PTPRR: variants seen among roughly 807,000 people sequenced by gnomAD.
PTPRR encodes the protein receptor-type tyrosine-protein phosphatase R.
Under a neutral mutation model 77.2 loss-of-function variants are expected in PTPRR, and 38 were observed. The ratio of observed to expected loss-of-function variants is 0.49; its 90% confidence interval spans 0.38 to 0.65. PTPRR has a LOEUF of 0.65. Ranked by LOEUF, PTPRR falls within the 30% of genes least tolerant of loss-of-function variation. The pLI, the probability that PTPRR is intolerant of heterozygous loss-of-function variation, is 0.00. For synonymous variants in PTPRR, 299 were observed against 283.1 expected (o/e 1.06, Z -0.57); for missense variants, 744 against 799.2 (o/e 0.93, Z 0.83).
chr12:70,836,128 C>T (rs1225563926), intron 2 of PTPRR, among the ~76,000 whole-genome samples: 1 of 152,080 alleles, frequency 6.6e-6, no homozygotes, highest in Admixed American at 6.6e-5. Flanking sequence ...ATACTTGAAC[C>T]TGGTGATGTC....
At chr12:70,684,355 G>C (rs7958846) in intron 9 of PTPRR, 91 bp from the exon 10 acceptor site, 974,707 of 1,389,362 alleles carry the variant, frequency 0.7, 352,254 homozygotes, top group Non-Finnish European at 0.76. Flanking sequence ...AAATAGCTGG[G>C]CTAGTACAAA....
intron 4 of PTPRR, 22 bp downstream of exon 4, chr12:70,761,449 A>G (rs1337120029): frequency 6.5e-7 from 1 of 1,539,750 alleles, no homozygotes; most frequent in South Asian, 1.3e-5. Flanking sequence ...TTTTAAATGA[A>G]TTGTTTCGTG....
intron 2 of PTPRR, among the ~76,000 whole-genome samples, chr12:70,822,971 A>T (rs1190095454): frequency 1.3e-5 from 2 of 150,754 alleles, no homozygotes; most frequent in Admixed American, 6.6e-5. Flanking sequence ...AAGCCCAATT[A>T]AAAAAAAAGT....
At chr12:70,892,576 G>C in intron 2 of PTPRR, 103 bp downstream of exon 2, 4 of 1,323,864 alleles carry the variant, frequency 3.0e-6, no homozygotes, top group Non-Finnish European at 4.2e-6. Context: ...TACCCGTTGG[G>C]ATTCATTGAT....
intron 2 of PTPRR, among the ~76,000 whole-genome samples, chr12:70,797,701 C>T (rs1287303608): frequency 6.6e-6 from 1 of 152,086 alleles, no homozygotes; most frequent in Non-Finnish European, 1.5e-5. Context: ...CATTTTGGCA[C>T]CATTGAGTAC....
intron 2 of PTPRR, chr12:70,789,108 A>C: frequency 2.3e-6 from 1 of 435,734 alleles, no homozygotes; most frequent in Non-Finnish European, 4.0e-6. Context: ...TTTCCATGGG[A>C]ATTAGCAAAA....
chr12:70,678,346 A>G (rs979175957), intron 10 of PTPRR, among the ~76,000 whole-genome samples: 1 of 152,078 alleles, frequency 6.6e-6, no homozygotes, highest in Non-Finnish European at 1.5e-5. Flanking sequence ...CGGCCAGGAT[A>G]GGTTCTGTTA....
At chr12:70,705,360 G>A (rs1888580362) in intron 6 of PTPRR, among the ~76,000 whole-genome samples, 1 of 152,054 alleles carries the variant, frequency 6.6e-6, no homozygotes, top group African/African-American at 2.4e-5. Flanking sequence ...TTTAGAAGCT[G>A]AATTTAGGAA....
chr12:70,756,533 C>T (rs17108713), intron 4 of PTPRR, among the ~76,000 whole-genome samples: 4,548 of 152,170 alleles, frequency 0.03, 247 homozygotes, highest in African/African-American at 0.1. Flanking sequence ...TGTCAGGTGG[C>T]CGAGAGTTGA....
intron 8 of PTPRR, among the ~76,000 whole-genome samples, chr12:70,692,832 T>A (rs1268141744): frequency 6.6e-6 from 1 of 152,188 alleles, no homozygotes; most frequent in African/African-American, 2.4e-5. Flanking sequence ...GTATTTATCA[T>A]CTTGTATTTT....
chr12:70,809,489 G>A (rs1032042228), intron 2 of PTPRR, among the ~76,000 whole-genome samples: 1 of 152,064 alleles, frequency 6.6e-6, no homozygotes, highest in African/African-American at 2.4e-5. Context: ...TTAAAAATAT[G>A]CATTATTAAG....
intron 6 of PTPRR, among the ~76,000 whole-genome samples, chr12:70,735,631 A>G (rs2136899748): frequency 6.6e-6 from 1 of 152,324 alleles, no homozygotes; most frequent in South Asian, 2.1e-4. Context: ...TATCACCTAG[A>G]AAAAGGTAAG....
At chr12:70,816,444 G>C (rs1227313394) in intron 2 of PTPRR, among the ~76,000 whole-genome samples, 1 of 151,838 alleles carries the variant, frequency 6.6e-6, no homozygotes. Flanking sequence ...AGGAAAGCAT[G>C]GTGCAAGAAC....
At chr12:70,874,271 A>G (rs1893011023) in intron 2 of PTPRR, among the ~76,000 whole-genome samples, 1 of 152,210 alleles carries the variant, frequency 6.6e-6, no homozygotes, top group African/African-American at 2.4e-5. Flanking sequence ...CAAACTTTTC[A>G]AACATATCAG....
intron 2 of PTPRR, among the ~76,000 whole-genome samples, chr12:70,799,102 A>G (rs1204701485): frequency 6.6e-6 from 1 of 152,186 alleles, no homozygotes; most frequent in Non-Finnish European, 1.5e-5. Flanking sequence ...AGAGAAAGAC[A>G]AGTCTAAGAT....
chr12:70,840,493 G>A (rs1233465221), intron 2 of PTPRR, among the ~76,000 whole-genome samples: 1 of 152,080 alleles, frequency 6.6e-6, no homozygotes, highest in Non-Finnish European at 1.5e-5. Flanking sequence ...CTAGGATGTG[G>A]ACATCTTTGT....
At position 70,919,055 on chromosome 12, in the gene PTPRR, C is replaced by A. The variant is rs566027406; in HGVS notation, c.58+1278G>T. 2.0e-5 allele frequency among the ~76,000 whole-genome samples: 3 copies of A among 152,272 alleles called. No individual in the cohort carries two copies. The East Asian group carries it at 5.8e-4, about 29-fold the overall frequency. On this transcript the variant is annotated intron_variant, in intron 1 of 13. Coordinates refer to ENST00000283228, the MANE Select transcript of PTPRR (RefSeq NM_002849.4). The stretch of plus-strand genomic sequence containing the variant: ...TAATAATAGCTTTAATAATCCTATG[C>A]ATTATTTGCTCAAAAGATTCATGAT...
At chr12:70,831,735 C>A (rs1222828234) in intron 2 of PTPRR, among the ~76,000 whole-genome samples, 1 of 152,186 alleles carries the variant, frequency 6.6e-6, no homozygotes, top group Non-Finnish European at 1.5e-5. Context: ...CCACATAAAG[C>A]TTTCTCATTT....
chr12:70,820,576 G>A (rs1891989559), intron 2 of PTPRR, among the ~76,000 whole-genome samples: 1 of 152,154 alleles, frequency 6.6e-6, no homozygotes, highest in Non-Finnish European at 1.5e-5. Context: ...CTCGTGATCT[G>A]CACATCTTGG....
Sources: allele counts gnomAD v4.1 joint callset (sites outside exome capture counted in the v4.1 genomes callset), GRCh38; gene constraint gnomAD v4.1.1; transcripts MANE v1.5; gene names NCBI Gene and HGNC (gene_info 2026-07-23, HGNC 2026-07-21).